DOCK10: variants seen among roughly 807,000 people sequenced by gnomAD.
DOCK10 encodes the protein dedicator of cytokinesis 10, also known as dedicator of cytokinesis protein 10.
In DOCK10, 145 loss-of-function variants were observed where a neutral mutation model predicts 280.1. The observed-to-expected ratio is 0.52, with a 90% CI of 0.45 to 0.59. The LOEUF (loss-of-function observed/expected upper bound fraction) is 0.59, where lower values mean the gene tolerates loss of function less well. Among genes scored for constraint, DOCK10 ranks in the 20% least tolerant of loss-of-function variants. DOCK10 has a pLI of 0.00. For missense variants in DOCK10, 2,368 were observed against 2,651.7 expected (o/e 0.89, Z 2.35); for synonymous variants, 915 against 942.2 (o/e 0.97, Z 0.53).
intron 1 of DOCK10, among the ~76,000 whole-genome samples, chr2:224,962,192 G>T (rs1704488678): frequency 1.3e-5 from 2 of 152,110 alleles, no homozygotes; most frequent in Admixed American, 1.3e-4. Context: ...CAAGATACTT[G>T]TGCCTATCAG....
chr2:225,011,544 T>C (rs1276502425), intron 1 of DOCK10, among the ~76,000 whole-genome samples: 3 of 152,368 alleles, frequency 2.0e-5, no homozygotes, highest in East Asian at 1.9e-4. Context: ...GGCTTTCTTA[T>C]AAAATGTTTA....
intron 25 of DOCK10, among the ~76,000 whole-genome samples, chr2:224,837,166 T>C (rs1049424997): frequency 3.3e-5 from 5 of 152,214 alleles, no homozygotes; most frequent in African/African-American, 1.2e-4. Context: ...TCATCACAAG[T>C]TCACTGGCAT....
chr2:224,782,192 A>C (rs1232585904), intron 50 of DOCK10, among the ~76,000 whole-genome samples: 1 of 152,118 alleles, frequency 6.6e-6, no homozygotes, highest in Non-Finnish European at 1.5e-5. Flanking sequence ...CATGTCCCAA[A>C]GTGGAGATGA....
At chr2:224,841,711 A>G (rs1426503195) in intron 23 of DOCK10, 93 bp downstream of exon 23, 1 of 733,316 alleles carries the variant, frequency 1.4e-6, no homozygotes, top group East Asian at 2.5e-5. Context: ...AGTAATAATC[A>G]TCTCCCAGTT....
intron 3 of DOCK10, among the ~76,000 whole-genome samples, chr2:224,905,119 C>A (rs1257099175): frequency 3.3e-5 from 5 of 151,236 alleles, no homozygotes; most frequent in Non-Finnish European, 2.9e-5. Flanking sequence ...ATTTCATTTT[C>A]AATATTATAC....
At chr2:224,911,767 G>T (rs953198852) in intron 3 of DOCK10, among the ~76,000 whole-genome samples, 2 of 152,130 alleles carry the variant, frequency 1.3e-5, no homozygotes, top group African/African-American at 2.4e-5. Context: ...TACAAATGCC[G>T]TATACACCCC....
rs1269892697 is a variant in DOCK10, at chr2:224,765,786, G to A, written c.6496C>T (p.Arg2166Ter). The stretch of plus-strand genomic sequence containing the variant: ...GCCGGAGTTGCTTTGCTAATTACTC[G>A]AGTGCAGGTTTGGTCCACTCCGCGC... Reference protein sequence around the residue: ...SKRGVDQTCTRVISKATPALP... With the variant: ...SKRGVDQTCT The change falls in exon 56 of 56, where the codon CGA becomes TGA. Residue 2166 changes from arginine (R) to a stop codon, truncating the protein, a stop_gained. Transcript: ENST00000258390. LOFTEE classifies it low-confidence loss of function (END_TRUNC). The A allele has an allele frequency of 4.3e-6, 7 of 1,613,666 alleles. No individual in the cohort carries two copies. In the Admixed American group the frequency reaches 6.7e-5, roughly 15 times the overall value.
chr2:224,947,982 T>C (rs1444733504), intron 1 of DOCK10, among the ~76,000 whole-genome samples: 1 of 152,248 alleles, frequency 6.6e-6, no homozygotes. Context: ...TTGTCTCATA[T>C]ATATATTGTG....
intron 31 of DOCK10, among the ~76,000 whole-genome samples, chr2:224,812,656 G>A (rs1441710555): frequency 1.3e-5 from 2 of 152,108 alleles, no homozygotes; most frequent in Non-Finnish European, 1.5e-5. Flanking sequence ...TTTGAGATAC[G>A]TCCCATCAAT....
intron 28 of DOCK10, among the ~76,000 whole-genome samples, chr2:224,822,976 T>C (rs1356018677): frequency 2.0e-5 from 3 of 152,010 alleles, no homozygotes; most frequent in Non-Finnish European, 2.9e-5. Flanking sequence ...AACCTTAGTT[T>C]TTTTTTTCTT....
intron 1 of DOCK10, among the ~76,000 whole-genome samples, chr2:224,952,288 G>A (rs1232451097): frequency 6.6e-6 from 1 of 152,218 alleles, no homozygotes; most frequent in Non-Finnish European, 1.5e-5. Flanking sequence ...AGGATGTACT[G>A]AGAAGAAGGT....
At chr2:224,841,741 TA>T in intron 23 of DOCK10, 62 bp downstream of exon 23, 2 of 1,156,720 alleles carry the variant, frequency 1.7e-6, no homozygotes, top group Non-Finnish European at 2.6e-6. Flanking sequence ...GTGGAAAATG[TA>T]AAAGTCTCTT....
At chr2:224,804,078 T>C in intron 39 of DOCK10, 34 bp downstream of exon 39, 1 of 1,362,632 alleles carries the variant, frequency 7.3e-7, no homozygotes, top group Non-Finnish European at 1.0e-6. Context: ...CACAGCTATA[T>C]ATAATTTTAA....
chr2:224,813,575 C>T (rs1279611035), intron 31 of DOCK10, among the ~76,000 whole-genome samples: 4 of 152,198 alleles, frequency 2.6e-5, no homozygotes, highest in Non-Finnish European at 4.4e-5. Flanking sequence ...TCTGCTAGCA[C>T]TAGGCTAAGC....
chr2:224,938,207 G>A (rs996751496), intron 1 of DOCK10, among the ~76,000 whole-genome samples: 2 of 152,108 alleles, frequency 1.3e-5, no homozygotes, highest in African/African-American at 2.4e-5. Flanking sequence ...TGTGACATGC[G>A]GTAGATCCTG....
At chr2:224,905,317 G>C (rs1700552229) in intron 3 of DOCK10, among the ~76,000 whole-genome samples, 1 of 142,712 alleles carries the variant, frequency 7.0e-6, no homozygotes, top group South Asian at 2.1e-4. Context: ...GCGCGATCTC[G>C]GCTCACTGCA....
At chr2:224,872,070 T>A (rs547654866) in intron 11 of DOCK10, among the ~76,000 whole-genome samples, 1 of 152,222 alleles carries the variant, frequency 6.6e-6, no homozygotes. Flanking sequence ...CTTTCATTTC[T>A]ACTCACACCT....
chr2:225,011,494 G>C (rs988099614), intron 1 of DOCK10, among the ~76,000 whole-genome samples: 2 of 152,188 alleles, frequency 1.3e-5, no homozygotes, highest in East Asian at 3.8e-4. Context: ...CCAATGTGAA[G>C]GTAAAGAGAG....
At chr2:224,841,991 A>C (rs2125468410) in intron 22 of DOCK10, 95 bp from the exon 23 acceptor site, 3 of 879,154 alleles carry the variant, frequency 3.4e-6, no homozygotes, top group Non-Finnish European at 3.7e-6. Flanking sequence ...TTTCTGTAGG[A>C]TTGATGCCTC....
Sources: allele counts gnomAD v4.1 joint callset (sites outside exome capture counted in the v4.1 genomes callset), GRCh38; gene constraint gnomAD v4.1.1; transcripts MANE v1.5; gene names NCBI Gene and HGNC (gene_info 2026-07-23, HGNC 2026-07-21).